MAPKAP1: variants seen among roughly 807,000 people sequenced by gnomAD.
MAPKAP1 encodes target of rapamycin complex 2 subunit MAPKAP1.
A neutral mutation model predicts 65.7 loss-of-function variants in MAPKAP1; 20 were observed. The ratio of observed to expected loss-of-function variants is 0.30; its 90% CI spans 0.21 to 0.44. The LOEUF is 0.44. MAPKAP1 is among the 20% of genes least tolerant of loss of function. The pLI, the probability that MAPKAP1 is intolerant of heterozygous loss-of-function variation, is 1.00. For synonymous variants in MAPKAP1, 222 were observed against 244.3 expected, an observed-to-expected ratio of 0.91 and a Z score of 0.85; for missense variants, 423 against 648.0, an observed-to-expected ratio of 0.65 and a Z score of 3.77.
Position 125,438,647 on chromosome 9 carries a change from T to C in MAPKAP1, c.*240A>G. 1 of 515,054 alleles carries C rather than the reference T, an allele frequency of 1.9e-6. No homozygotes were observed. The highest frequency in any genetic ancestry group is 3.4e-6 in the Non-Finnish European group (1 of 294,678). 31.9% of individuals were successfully genotyped at this position (515,054 alleles called of 1,614,324 possible). ...CACGTGGCTCCTCTAGGGGGTGGTC[T>C]GACCCCCAAGCATCGCTTATCAAAG... On this transcript the variant is annotated 3_prime_UTR_variant, in exon 12 of 12. Transcript: ENST00000265960.
intron 10 of MAPKAP1, among the ~76,000 whole-genome samples, chr9:125,452,544 TC>T (rs1222194172): frequency 6.6e-6 from 1 of 152,220 alleles, no homozygotes; most frequent in Admixed American, 6.5e-5. Context: ...CTTTTTGGTC[TC>T]AGAAGCCCTT....
At chr9:125,620,094 A>G (rs1384066268) in intron 4 of MAPKAP1, among the ~76,000 whole-genome samples, 1 of 152,234 alleles carries the variant, frequency 6.6e-6, no homozygotes, top group African/African-American at 2.4e-5. Flanking sequence ...AGATCACCTG[A>G]GGTCAGGAGT....
At chr9:125,583,785 TG>T (rs1415491204) in intron 5 of MAPKAP1, among the ~76,000 whole-genome samples, 1 of 152,212 alleles carries the variant, frequency 6.6e-6, no homozygotes, top group African/African-American at 2.4e-5. Context: ...CATCAAAGGC[TG>T]GGTGCAGTGG....
chr9:125,459,834 G>A (rs1853402150), intron 10 of MAPKAP1, among the ~76,000 whole-genome samples: 1 of 55,498 alleles, frequency 1.8e-5, no homozygotes, highest in Admixed American at 1.8e-4. Context: ...ACCGTGGAAA[G>A]AGAGGGAGAG....
intron 4 of MAPKAP1, among the ~76,000 whole-genome samples, chr9:125,587,981 T>C (rs949572648): frequency 6.6e-6 from 1 of 152,186 alleles, no homozygotes. Flanking sequence ...GAATGTAAAA[T>C]GATACAGTCA....
chr9:125,479,436 T>C (rs1052917733), intron 9 of MAPKAP1, among the ~76,000 whole-genome samples: 1 of 152,094 alleles, frequency 6.6e-6, no homozygotes, highest in Non-Finnish European at 1.5e-5. Context: ...AAAAATTAGT[T>C]GAGCGTGGTG....
At chr9:125,511,398 A>G (rs952269349) in intron 7 of MAPKAP1, among the ~76,000 whole-genome samples, 5 of 152,192 alleles carry the variant, frequency 3.3e-5, no homozygotes, top group African/African-American at 1.2e-4. Context: ...TAGAGGTTAA[A>G]TAACTTGCTC....
At chr9:125,523,101 C>G (rs1464696984) in intron 7 of MAPKAP1, among the ~76,000 whole-genome samples, 1 of 152,180 alleles carries the variant, frequency 6.6e-6, no homozygotes, top group Non-Finnish European at 1.5e-5. Context: ...TCTACAATCC[C>G]CAGCCAACCA....
At chr9:125,629,054 AACACACACACACACACACACAC>A (rs71374284) in intron 4 of MAPKAP1, among the ~76,000 whole-genome samples, 1 of 147,374 alleles carries the variant, frequency 6.8e-6, no homozygotes, top group African/African-American at 2.5e-5. Context: ...TCACTGTCAA[AACACACACACACACACACACAC>A]ACACACACAC....
intron 8 of MAPKAP1, among the ~76,000 whole-genome samples, chr9:125,489,428 A>T (rs1854618959): frequency 6.6e-6 from 1 of 152,172 alleles, no homozygotes; most frequent in South Asian, 2.1e-4. Context: ...GGATTACCAT[A>T]ATGTATTGTG....
At chr9:125,672,288 G>A (rs1834519514) in intron 2 of MAPKAP1, 28 bp downstream of exon 2, 2 of 1,610,482 alleles carry the variant, frequency 1.2e-6, no homozygotes, top group East Asian at 2.2e-5. Flanking sequence ...TTAAAGCTCA[G>A]AAGACATGAC....
chr9:125,610,943 C>T (rs1296462671), intron 4 of MAPKAP1, among the ~76,000 whole-genome samples: 2 of 151,906 alleles, frequency 1.3e-5, no homozygotes, highest in Non-Finnish European at 2.9e-5. Context: ...GAAATAGGCC[C>T]AGAAAGACTG....
At chr9:125,693,726 T>TAC (rs1554844660) in intron 1 of MAPKAP1, among the ~76,000 whole-genome samples, 1 of 122,848 alleles carries the variant, frequency 8.1e-6, no homozygotes, top group Non-Finnish European at 1.5e-5. Context: ...TACACGTATA[T>TAC]ACACATATAT....
intron 1 of MAPKAP1, among the ~76,000 whole-genome samples, chr9:125,675,163 A>C (rs1161056280): frequency 6.6e-6 from 1 of 152,180 alleles, no homozygotes; most frequent in African/African-American, 2.4e-5. Context: ...CATGAAAGGA[A>C]GGCAGCTAGT....
intron 7 of MAPKAP1, among the ~76,000 whole-genome samples, chr9:125,541,533 C>T (rs1316100038): frequency 6.6e-6 from 1 of 152,148 alleles, no homozygotes; most frequent in Non-Finnish European, 1.5e-5. Flanking sequence ...TGAATGCCTA[C>T]TAAATATCTT....
At chr9:125,554,632 C>A (rs1013325541) in intron 6 of MAPKAP1, among the ~76,000 whole-genome samples, 4 of 151,822 alleles carry the variant, frequency 2.6e-5, no homozygotes, top group African/African-American at 9.7e-5. Context: ...GACCTTGTCT[C>A]TACTAAAAAT....
intron 7 of MAPKAP1, among the ~76,000 whole-genome samples, chr9:125,520,827 G>A (rs1157054684): frequency 4.6e-5 from 7 of 152,152 alleles, no homozygotes; most frequent in Admixed American, 4.6e-4. Flanking sequence ...TCCCATTAGT[G>A]TCCCAACTCT....
chr9:125,619,688 C>T (rs1275000978), intron 4 of MAPKAP1, among the ~76,000 whole-genome samples: 3 of 151,330 alleles, frequency 2.0e-5, no homozygotes, highest in Non-Finnish European at 4.4e-5. Flanking sequence ...CTACAAATAC[C>T]TAGGAAGAAA....
intron 4 of MAPKAP1, among the ~76,000 whole-genome samples, chr9:125,617,539 T>G (rs563371435): frequency 4.6e-4 from 70 of 152,292 alleles, no homozygotes; most frequent in African/African-American, 1.6e-3. Context: ...ATAAACAGCA[T>G]TATTTGTAAT....
Sources: allele counts gnomAD v4.1 joint callset (sites outside exome capture counted in the v4.1 genomes callset), GRCh38; gene constraint gnomAD v4.1.1; transcripts MANE v1.5; gene names NCBI Gene and HGNC (gene_info 2026-07-23, HGNC 2026-07-21).